STX11: variants seen among roughly 807,000 people sequenced by gnomAD.
STX11 encodes the protein syntaxin-11.
A neutral mutation model predicts 19.9 loss-of-function variants in STX11; 21 were observed. The observed-to-expected ratio is 1.06, with a 90% confidence interval of 0.75 to 1.52. The LOEUF (loss-of-function observed/expected upper bound fraction) is 1.52. Among genes scored for constraint, STX11 ranks in the 40% most tolerant of loss-of-function variants. The pLI, the probability that STX11 is intolerant of heterozygous loss-of-function variation, is 0.00. For missense variants in STX11, 438 were observed against 405.9 expected, an observed-to-expected ratio of 1.08 and a Z score of -0.68; for synonymous variants, 193 against 174.4, an observed-to-expected ratio of 1.11 and a Z score of -0.84.
rs781652788 is a variant in STX11, at chr6:144,187,233, C to A, written c.606C>A (p.Ala202=). ...TGGCCGACGTGAAGGGCGCGCGGGC[C>A]GCCCTCAACGAGATCGAGAGCCGCC... ...NLLADVKGAR[A]ALNEIESRHR... Residue 202 remains alanine, a synonymous_variant, in exon 2 of 2, where the codon GCC becomes GCA. Coordinates refer to ENST00000367568, the MANE Select transcript of STX11 (RefSeq NM_003764.4). The surrounding 1 kb of genome is among the most constrained non-coding windows in gnomAD (Gnocchi z 5.6). 9 of 1,613,768 alleles carry A rather than the reference C, an allele frequency of 5.6e-6. No homozygotes were observed. The highest frequency in any genetic ancestry group is 7.6e-6 in the Non-Finnish European group (9 of 1,179,990).
At position 144,165,781 on chromosome 6, in the gene STX11, A is replaced by G. The variant is rs1214988597; in HGVS notation, c.-6+15078A>G. On this transcript the variant is annotated intron_variant, in intron 1 of 1. Coordinates refer to ENST00000367568, the MANE Select transcript of STX11 (RefSeq NM_003764.4). The surrounding 1 kb of genome is among the most constrained non-coding windows in gnomAD (Gnocchi z 5.8). ...GTAGTTCAAAATACTAACTCCTAAG[A>G]CTGTGTTTGTAAAATACTTTAAAGT... Among the ~76,000 whole-genome samples, 1 of 152,220 alleles carries G rather than the reference A, an allele frequency of 6.6e-6. No homozygotes were observed. The highest frequency in any genetic ancestry group is 1.5e-5 in the Non-Finnish European group (1 of 68,042).
In STX11 at chr6:144,182,394, G is replaced by A. The variant is rs945409667; in HGVS notation, c.-5-4229G>A. Among the ~76,000 whole-genome samples, 2 of 152,210 alleles carry A rather than the reference G, an allele frequency of 1.3e-5. No homozygotes were observed. The highest frequency in any genetic ancestry group is 4.8e-5 in the African/African-American group (2 of 41,456). On this transcript the variant is annotated intron_variant, in intron 1 of 1. Transcript: ENST00000367568. This position sits in a 1 kb window ranked among gnomAD's most constrained non-coding sequence, Gnocchi z 4.8. ...CTGAGCCAAGAGAGGTGGGCAGGAA[G>A]GCCAGGTGAAGGCCCCCTTCCCTCC...
rs1425569407 is a variant in STX11 at position 144,155,940 on chromosome 6, A to ATCTATCCTTTCTTTCTT, written c.-6+5240_-6+5241insATCCTTTCTTTCTTTCT. Among the ~76,000 whole-genome samples, 11 of 119,942 alleles carry ATCTATCCTTTCTTTCTT rather than the reference A, an allele frequency of 9.2e-5. No individual in the cohort carries two copies. The highest frequency in any genetic ancestry group is 5.1e-4 in the East Asian group (2 of 3,930). 78.7% of individuals were successfully genotyped at this position (119,942 alleles called of 152,430 possible). On this transcript the variant is annotated intron_variant, in intron 1 of 1. Coordinates refer to ENST00000367568, the MANE Select transcript of STX11 (RefSeq NM_003764.4). The surrounding 1 kb of genome is among the most constrained non-coding windows in gnomAD (Gnocchi z 4.5). ...CTAATTAAATGTGTTTTAAAATTTA[A>ATCTATCCTTTCTTTCTT]TCTTTCTTTCTTTCTTTCTTTCTTT... is the stretch of plus-strand genomic sequence containing the variant.
At chr6:144,145,104 A>G in the STX11 span, among the ~76,000 whole-genome samples, 2 of 152,250 alleles carry the variant, frequency 1.3e-5, no homozygotes, top group Non-Finnish European at 2.9e-5. Flanking sequence ...ACTCATGTTC[A>G]TAGCAGCATT....
At chr6:144,156,960 T>A (rs1207645650) in intron 1 of STX11, among the ~76,000 whole-genome samples, 2 of 152,198 alleles carry the variant, frequency 1.3e-5, no homozygotes, top group Non-Finnish European at 2.9e-5. Context: ...ATTTTATAGA[T>A]AAGGTGGGAA....
chr6:144,141,224 A>G, the STX11 span, among the ~76,000 whole-genome samples: 9 of 152,238 alleles, frequency 5.9e-5, no homozygotes, highest in Non-Finnish European at 1.3e-4. Context: ...GATTTTTTAA[A>G]AACCCATTCT....
At position 144,188,449 on chromosome 6, in the gene STX11, A is replaced by C. The variant is rs1802123116; in HGVS notation, c.*958A>C. ...GCCCCTTCCTAGTCCAGTTTGGGTC[A>C]AACTTCATGTTAAACAACTCTGCAT... is the stretch of plus-strand genomic sequence containing the variant. On this transcript the variant is annotated 3_prime_UTR_variant, in exon 2 of 2. Transcript: ENST00000367568. 3 of 222,114 alleles carry C rather than the reference A, an allele frequency of 1.4e-5. No homozygotes were observed. Among genetic ancestry groups the C allele is most frequent in the Non-Finnish European group, 2.9e-5 (3 of 102,090 alleles). 13.8% of individuals were successfully genotyped at this position (222,114 alleles called of 1,614,324 possible).
At position 144,174,340 on chromosome 6, in the gene STX11, G is replaced by A. The variant is rs956720251; in HGVS notation, c.-5-12283G>A. Among the ~76,000 whole-genome samples, 1 of 152,194 alleles carries A rather than the reference G, an allele frequency of 6.6e-6. No individual in the cohort carries two copies. Among genetic ancestry groups the A allele is most frequent in the African/African-American group, 2.4e-5 (1 of 41,444 alleles). On this transcript the variant is annotated intron_variant, in intron 1 of 1. Coordinates refer to ENST00000367568, the MANE Select transcript of STX11 (RefSeq NM_003764.4). The surrounding 1 kb of genome is among the most constrained non-coding windows in gnomAD (Gnocchi z 5.3). ...TCTGTACCTCTTGATCAGAGAAGCT[G>A]CAAAGAATTTGTAGTAAGAAGATTT...
chr6:144,148,841 C>A (rs1218769431), upstream of STX11, among the ~76,000 whole-genome samples: 6 of 152,204 alleles, frequency 3.9e-5, no homozygotes, highest in Non-Finnish European at 5.9e-5. Context: ...GCAATCCTCT[C>A]GCTTCAGCCT....
the STX11 span, among the ~76,000 whole-genome samples, chr6:144,140,234 ATATATATATATATATATATATTTATT>A: frequency 2.0e-5 from 1 of 49,600 alleles, no homozygotes; most frequent in Non-Finnish European, 3.6e-5. Flanking sequence ...ATATATATAT[ATATATATATATATATATATATTTATT>A]TATTTATTTT....
chr6:144,140,229 T>A, the STX11 span, among the ~76,000 whole-genome samples: 2,233 of 44,234 alleles, frequency 0.05, 138 homozygotes, highest in African/African-American at 0.22. Flanking sequence ...TATATATATA[T>A]ATATATATAT....
At chr6:144,178,171 T>C (rs1037019668) in intron 1 of STX11, among the ~76,000 whole-genome samples, 1 of 152,214 alleles carries the variant, frequency 6.6e-6, no homozygotes, top group Non-Finnish European at 1.5e-5. Context: ...GGATTACGGA[T>C]GGATTCTCAA....
chr6:144,181,861 A>G (rs1348504981), intron 1 of STX11, among the ~76,000 whole-genome samples: 1 of 152,212 alleles, frequency 6.6e-6, no homozygotes, highest in East Asian at 1.9e-4. Context: ...GGCTTAAGCA[A>G]TACCCCCTTC....
At chr6:144,145,621 C>T (rs1357700909), upstream of STX11, among the ~76,000 whole-genome samples, 2 of 152,140 alleles carry the variant, frequency 1.3e-5, no homozygotes, top group Non-Finnish European at 2.9e-5. Context: ...ACCTGGAGGA[C>T]ATTATGTTAA....
In STX11 at chr6:144,155,982, CTTT is replaced by C. The variant is rs1801134150; in HGVS notation, c.-6+5280_-6+5282del. Among the ~76,000 whole-genome samples the C allele has an allele frequency of 2.3e-5, 3 of 131,370 alleles. No individual in the cohort carries two copies. Among genetic ancestry groups the C allele is most frequent in the East Asian group, 2.5e-4 (1 of 4,028 alleles). 86.2% of individuals were successfully genotyped at this position (131,370 alleles called of 152,430 possible). ...TCTTTCTTTCTTTCTTTCTTTCTTTCTTTCTTTCTTTCTTTCTTTCTTTCTTTC... is the reference window on the plus strand; with the variant it reads ...TCTTTCTTTCTTTCTTTCTTTCTTTCCTTTCTTTCTTTCTTTCTTTCTTTC... On this transcript the variant is annotated intron_variant, in intron 1 of 1. Coordinates refer to ENST00000367568, the MANE Select transcript of STX11 (RefSeq NM_003764.4). This position sits in a 1 kb window ranked among gnomAD's most constrained non-coding sequence, Gnocchi z 4.5.
Position 144,176,281 on chromosome 6 carries a change from C to T in STX11, c.-5-10342C>T, listed in dbSNP as rs1801776026. Among the ~76,000 whole-genome samples the T allele has an allele frequency of 6.6e-6, 1 of 152,190 alleles. No homozygotes were observed. The highest frequency in any genetic ancestry group is 1.5e-5 in the Non-Finnish European group (1 of 68,022). On this transcript the variant is annotated intron_variant, in intron 1 of 1. Transcript: ENST00000367568. This position sits in a 1 kb window ranked among gnomAD's most constrained non-coding sequence, Gnocchi z 4.1. ...CATGATTAAGTGGAAAGGGCATGAA[C>T]TCAGGACCTGGACAGATGTGAGTTT...
intron 1 of STX11, among the ~76,000 whole-genome samples, chr6:144,181,949 TG>T (rs1051081655): frequency 5.3e-5 from 8 of 152,212 alleles, no homozygotes; most frequent in African/African-American, 1.7e-4. Context: ...AGCAGATTTT[TG>T]GTAGTTGGTT....
At chr6:144,185,529 CTTACTA>C (rs1295644866) in intron 1 of STX11, among the ~76,000 whole-genome samples, 1 of 152,154 alleles carries the variant, frequency 6.6e-6, no homozygotes, top group Non-Finnish European at 1.5e-5. Flanking sequence ...ATTACTTTGC[CTTACTA>C]AGCAGAGGAA....
chr6:144,142,526 T>C, the STX11 span, among the ~76,000 whole-genome samples: 2 of 152,192 alleles, frequency 1.3e-5, no homozygotes, highest in African/African-American at 4.8e-5. Context: ...CTTTGTAAAT[T>C]TACATTTATG....
Sources: allele counts gnomAD v4.1 joint callset (sites outside exome capture counted in the v4.1 genomes callset), GRCh38; gene constraint gnomAD v4.1.1; non-coding constraint Gnocchi (gnomAD v3.1); transcripts MANE v1.5; gene names NCBI Gene and HGNC (gene_info 2026-07-23, HGNC 2026-07-21).